PTPRQ: variants seen among roughly 807,000 people sequenced by gnomAD.
PTPRQ encodes protein tyrosine phosphatase receptor type Q, also known as phosphatidylinositol phosphatase PTPRQ.
In PTPRQ, 199 loss-of-function variants were observed where a neutral mutation model predicts 246.0. That is an observed-to-expected ratio of 0.81 (90% CI 0.72 to 0.91). PTPRQ has a LOEUF of 0.91. Among genes scored for constraint, PTPRQ ranks in the 40% least tolerant of loss-of-function variants. The pLI, the probability that PTPRQ is intolerant of heterozygous loss-of-function variation, is 0.00. For missense variants in PTPRQ, 2,624 were observed against 2,528.4 expected (o/e 1.04, Z -0.81); for synonymous variants, 869 against 853.2 (o/e 1.02, Z -0.32).
intron 37 of PTPRQ, among the ~76,000 whole-genome samples, chr12:80,651,535 G>T (rs1416872051): frequency 1.3e-5 from 2 of 151,918 alleles, no homozygotes; most frequent in Non-Finnish European, 2.9e-5. Context: ...GAAAGCAATA[G>T]GAGAAAGAGC....
chr12:80,647,871 C>A (rs1900126452), intron 35 of PTPRQ, among the ~76,000 whole-genome samples: 1 of 151,154 alleles, frequency 6.6e-6, no homozygotes, highest in Middle Eastern at 3.6e-3. Context: ...CTGGAAGATA[C>A]AACATCTCTT....
intron 6 of PTPRQ, among the ~76,000 whole-genome samples, chr12:80,466,321 G>A (rs1427499488): frequency 1.3e-5 from 2 of 152,124 alleles, no homozygotes; most frequent in Admixed American, 6.6e-5. Context: ...ACCTCTTCAA[G>A]GAGAAGTACA....
intron 3 of PTPRQ, chr12:80,454,487 A>C: frequency 1.4e-6 from 1 of 702,330 alleles, no homozygotes; most frequent in Non-Finnish European, 2.6e-6. Flanking sequence ...CGCTCTGGCT[A>C]GGCCTTCCAG....
chr12:80,456,907 T>C (rs1394775819), intron 3 of PTPRQ, among the ~76,000 whole-genome samples: 2 of 152,174 alleles, frequency 1.3e-5, no homozygotes, highest in Non-Finnish European at 2.9e-5. Context: ...TTACAACAGT[T>C]AAGTAAATTG....
intron 8 of PTPRQ, among the ~76,000 whole-genome samples, chr12:80,481,317 T>C (rs1391564943): frequency 6.6e-6 from 1 of 152,116 alleles, no homozygotes; most frequent in African/African-American, 2.4e-5. Context: ...TTTGACAAAA[T>C]TCAACAATCC....
chr12:80,585,419 T>C (rs1388414671), intron 25 of PTPRQ, among the ~76,000 whole-genome samples: 1 of 152,182 alleles, frequency 6.6e-6, no homozygotes, highest in Non-Finnish European at 1.5e-5. Context: ...TGTGATCTCT[T>C]GTGTTGACAT....
At chr12:80,634,651 C>T (rs769423697) in intron 34 of PTPRQ, 26 of 274,818 alleles carry the variant, frequency 9.5e-5, no homozygotes, top group Non-Finnish European at 1.4e-4. Flanking sequence ...CAACGTAAGT[C>T]TTCTTGGCTC....
rs541396579 is a variant in PTPRQ at position 80,617,667 on chromosome 12, G to A, written c.5230+1401G>A. ...TTTTACTCCTTACCTAAGGCAGGCAGACTTACGACTTCTAGTCTAGAGAAG... is the reference window on the plus strand; with the variant it reads ...TTTTACTCCTTACCTAAGGCAGGCAAACTTACGACTTCTAGTCTAGAGAAG... On this transcript the variant is annotated intron_variant, in intron 30 of 44. Coordinates refer to ENST00000644991, the MANE Select transcript of PTPRQ (RefSeq NM_001145026.2). 5.7e-4 allele frequency among the ~76,000 whole-genome samples: 86 copies of A among 151,508 alleles called. 1 individual carries two copies. In the South Asian group the frequency reaches 0.017, roughly 30 times the overall value.
At chr12:80,647,300 C>T (rs1900107911) in intron 35 of PTPRQ, among the ~76,000 whole-genome samples, 1 of 152,168 alleles carries the variant, frequency 6.6e-6, no homozygotes, top group African/African-American at 2.4e-5. Flanking sequence ...TCAAGAGTTT[C>T]TATGTCCATG....
At chr12:80,484,316 T>C in intron 8 of PTPRQ, 117 bp from the exon 9 acceptor site, 8 of 1,291,290 alleles carry the variant, frequency 6.2e-6, no homozygotes, top group Non-Finnish European at 8.3e-6. Flanking sequence ...CTAGTCTGTT[T>C]TCTAATAGAA....
At chr12:80,550,839 C>T (rs1896452697) in intron 25 of PTPRQ, among the ~76,000 whole-genome samples, 1 of 152,028 alleles carries the variant, frequency 6.6e-6, no homozygotes, top group Admixed American at 6.6e-5. Context: ...CTCTCTATTC[C>T]ATATGAAAAT....
At chr12:80,607,603 T>G (rs1437447760) in intron 27 of PTPRQ, among the ~76,000 whole-genome samples, 1 of 150,756 alleles carries the variant, frequency 6.6e-6, no homozygotes, top group Non-Finnish European at 1.5e-5. Context: ...TGCAGCTCAT[T>G]TCATTAATAT....
chr12:80,452,611 T>C (rs913821120), intron 3 of PTPRQ, among the ~76,000 whole-genome samples: 15 of 152,186 alleles, frequency 9.9e-5, no homozygotes, highest in African/African-American at 3.4e-4. Context: ...TTTTTATTTC[T>C]CCTTCACTTA....
In PTPRQ at chr12:80,506,643, C is replaced by T. The variant is rs1016628147; in HGVS notation, c.2530C>T (p.Pro844Ser). 2.6e-6 allele frequency: 4 copies of T among 1,543,188 alleles called. No individual in the cohort carries two copies. The African/African-American group carries it at 4.1e-5, about 16-fold the overall frequency. ...TLKGEGVRSAPISILTEEDAP... is the reference protein window; with the variant it reads ...TLKGEGVRSASISILTEEDAP... Reference sequence around the variant, plus strand: ...CAAAGGTGAAGGAGTTCGGAGTGCTCCCATAAGTATACTGACGGAGGAAGA... The same window carrying T: ...CAAAGGTGAAGGAGTTCGGAGTGCTTCCATAAGTATACTGACGGAGGAAGA... Residue 844 changes from proline (P) to serine (S), a missense_variant, in exon 16 of 45, where the codon CCC becomes TCC. Transcript: ENST00000644991.
At chr12:80,608,879 A>T (rs1898438245) in intron 27 of PTPRQ, among the ~76,000 whole-genome samples, 1 of 150,670 alleles carries the variant, frequency 6.6e-6, no homozygotes, top group African/African-American at 2.4e-5. Context: ...ATATTTTTTC[A>T]GCATGAAATT....
intron 43 of PTPRQ, among the ~76,000 whole-genome samples, chr12:80,676,657 C>T (rs573039218): frequency 2.8e-4 from 43 of 152,104 alleles, no homozygotes; most frequent in African/African-American, 9.9e-4. Context: ...ACAACAACAA[C>T]AAAACCAACA....
chr12:80,481,729 C>A (rs909568198), intron 8 of PTPRQ, among the ~76,000 whole-genome samples: 1 of 151,832 alleles, frequency 6.6e-6, no homozygotes, highest in South Asian at 2.1e-4. Context: ...TATACACCAA[C>A]AACAGACAAA....
chr12:80,453,553 G>T (rs1344285331), intron 3 of PTPRQ, among the ~76,000 whole-genome samples: 2 of 131,616 alleles, frequency 1.5e-5, no homozygotes, highest in African/African-American at 5.7e-5. Context: ...TGGTGTGGAT[G>T]TCCTTTCTGT....
At chr12:80,562,850 A>G (rs1040395330) in intron 25 of PTPRQ, among the ~76,000 whole-genome samples, 1 of 152,164 alleles carries the variant, frequency 6.6e-6, no homozygotes, top group African/African-American at 2.4e-5. Context: ...CTTTGAAAAA[A>G]TAAATAAAAT....
Sources: gnomAD v4.1 joint callset for allele counts (sites outside exome capture counted in the v4.1 genomes callset) on GRCh38, gnomAD v4.1.1 for gene constraint, MANE v1.5 for transcripts, NCBI Gene and HGNC (gene_info 2026-07-23, HGNC 2026-07-21) for gene names.